The following DESI1 variants were observed in gnomAD, a reference collection of about 807,000 sequenced individuals.
DESI1 encodes PPPDE peptidase domain containing 2.
In DESI1, 17 loss-of-function variants were observed where a neutral mutation model predicts 22.4. The observed-to-expected ratio is 0.76, with a 90% CI of 0.52 to 1.14. The LOEUF is 1.14. Ranked by LOEUF, DESI1 falls within the 50% of genes most tolerant of loss-of-function variation. DESI1 has a pLI of 0.00. For missense variants in DESI1, 177 were observed against 208.9 expected, an observed-to-expected ratio of 0.85 and a Z score of 0.94; for synonymous variants, 92 against 84.2, an observed-to-expected ratio of 1.09 and a Z score of -0.51.
In DESI1 at chr22:41,620,940, G is replaced by A. The variant is rs28384704; in HGVS notation, c.-101C>T. 3,047 of 1,398,576 alleles carry A rather than the reference G, an allele frequency of 2.2e-3. 51 individuals carry two copies. In the African/African-American group the frequency reaches 0.04, roughly 18 times the overall value. 86.6% of individuals were successfully genotyped at this position (1,398,576 alleles called of 1,614,324 possible). On this transcript the variant is annotated 5_prime_UTR_variant, in exon 1 of 6. Coordinates refer to ENST00000263256, the MANE Select transcript of DESI1 (RefSeq NM_015704.3). ...GAGTGCGAAGCGGAGGGAGAGGGGG[G>A]GACCGAGCCCGGGCCCGGGCTGAGG...
At chr22:41,614,328 A>T (rs1601515031) in intron 1 of DESI1, among the ~76,000 whole-genome samples, 1 of 152,038 alleles carries the variant, frequency 6.6e-6, no homozygotes, top group African/African-American at 2.4e-5. Flanking sequence ...TAACCACTGC[A>T]CCCAGCCTGT....
chr22:41,614,580 G>A (rs1314002870), intron 1 of DESI1, among the ~76,000 whole-genome samples: 9 of 62,260 alleles, frequency 1.4e-4, no homozygotes, highest in African/African-American at 6.3e-4. Context: ...TACTGTGCCC[G>A]GCCTACATCC....
At chr22:41,615,504 A>C (rs1410615959) in intron 1 of DESI1, among the ~76,000 whole-genome samples, 1 of 152,218 alleles carries the variant, frequency 6.6e-6, no homozygotes, top group African/African-American at 2.4e-5. Context: ...CCTTAAAGAA[A>C]TTGAATGATT....
intron 1 of DESI1, among the ~76,000 whole-genome samples, chr22:41,612,597 AT>A (rs1207479053): frequency 3.8e-3 from 524 of 139,004 alleles, no homozygotes; most frequent in Admixed American, 6.3e-3. Context: ...TTGAGTGAAG[AT>A]TTTTTTTTTT....
chr22:41,611,989 G>A (rs957671129), intron 1 of DESI1, among the ~76,000 whole-genome samples: 1 of 152,148 alleles, frequency 6.6e-6, no homozygotes, highest in Non-Finnish European at 1.5e-5. Context: ...ACAGGTTCTG[G>A]TGTAGACAGG....
chr22:41,602,355 G>A, intron 5 of DESI1: 3 of 985,454 alleles, frequency 3.0e-6, no homozygotes, highest in Non-Finnish European at 3.6e-6. Flanking sequence ...CCTCAGCAGA[G>A]CTGTGGGACT....
At chr22:41,603,090 G>A (rs767513102) in intron 5 of DESI1, 169 bp downstream of exon 5, 34 of 984,696 alleles carry the variant, frequency 3.5e-5, no homozygotes, top group Non-Finnish European at 5.1e-5. Flanking sequence ...AGGTAATACA[G>A]GTGCGCATCA....
intron 1 of DESI1, among the ~76,000 whole-genome samples, chr22:41,610,548 G>A (rs905161954): frequency 1.3e-5 from 2 of 152,214 alleles, no homozygotes; most frequent in South Asian, 2.1e-4. Context: ...GAAATGTAGC[G>A]GAGTACTTCT....
At chr22:41,613,324 G>A (rs2067529466) in intron 1 of DESI1, among the ~76,000 whole-genome samples, 1 of 152,138 alleles carries the variant, frequency 6.6e-6, no homozygotes, top group Non-Finnish European at 1.5e-5. Flanking sequence ...TAAAAGAGAC[G>A]ATACATGACA....
chr22:41,610,318 G>A (rs993692078), intron 1 of DESI1, among the ~76,000 whole-genome samples: 8 of 151,670 alleles, frequency 5.3e-5, no homozygotes, highest in African/African-American at 1.7e-4. Flanking sequence ...GGTGGAGGTT[G>A]CAGTGAGCCG....
intron 3 of DESI1, among the ~76,000 whole-genome samples, chr22:41,605,304 C>CT (rs1293650726): frequency 6.6e-6 from 1 of 152,118 alleles, no homozygotes; most frequent in Admixed American, 6.5e-5. Context: ...CCCGAAAGGC[C>CT]TACAGAAAAC....
intron 1 of DESI1, among the ~76,000 whole-genome samples, chr22:41,611,975 GA>G (rs1482313878): frequency 2.0e-5 from 3 of 152,268 alleles, no homozygotes; most frequent in African/African-American, 7.2e-5. Context: ...TAGTGAATAA[GA>G]ACACAGGTTC....
intron 1 of DESI1, among the ~76,000 whole-genome samples, chr22:41,618,528 C>T (rs1327057640): frequency 6.6e-6 from 1 of 152,142 alleles, no homozygotes; most frequent in Non-Finnish European, 1.5e-5. Context: ...TTCATTATAT[C>T]AACCTCATTT....
rs72547431 is a variant in DESI1 at position 41,600,957 on chromosome 22, G to A, written c.*140C>T. The A allele has an allele frequency of 1.3e-6, 1 of 754,218 alleles. No individual in the cohort carries two copies. The allele number at this position is 754,218 out of a possible 1,614,324, so 46.7% of individuals were successfully genotyped here. A position where few individuals can be genotyped will look rare whatever the true frequency, so the allele number is the denominator to read the frequency against. On this transcript the variant is annotated 3_prime_UTR_variant, in exon 6 of 6. Transcript: ENST00000263256. ...AGCATTGTCTACATGCGGCCTGACG[G>A]TCTCCTTCCCTGGGAAATTTAAAAA...
At chr22:41,614,043 C>CA (rs2067534085) in intron 1 of DESI1, among the ~76,000 whole-genome samples, 1 of 147,104 alleles carries the variant, frequency 6.8e-6, no homozygotes, top group African/African-American at 2.5e-5. Flanking sequence ...TTCATTCTTT[C>CA]TTTTTTTTTT....
chr22:41,616,579 C>T (rs2067552434), intron 1 of DESI1, among the ~76,000 whole-genome samples: 1 of 151,370 alleles, frequency 6.6e-6, no homozygotes, highest in Non-Finnish European at 1.5e-5. Flanking sequence ...TCTGCATGTA[C>T]TGTGGCACAA....
At chr22:41,603,954 A>G in intron 4 of DESI1, 90 bp downstream of exon 4, 1 of 1,165,678 alleles carries the variant, frequency 8.6e-7, no homozygotes, top group Non-Finnish European at 1.2e-6. Context: ...GCTGAGTGAT[A>G]AGGATGATAT....
At chr22:41,619,169 C>A (rs2067567595) in intron 1 of DESI1, among the ~76,000 whole-genome samples, 1 of 152,128 alleles carries the variant, frequency 6.6e-6, no homozygotes, top group Non-Finnish European at 1.5e-5. Context: ...GTGCCTCAAT[C>A]ATTTTAACAA....
At chr22:41,615,272 TAAA>T (rs58574960) in intron 1 of DESI1, among the ~76,000 whole-genome samples, 119 of 108,484 alleles carry the variant, frequency 1.1e-3, no homozygotes, top group African/African-American at 3.4e-3. Flanking sequence ...TACTAAAAAT[TAAA>T]AAAAAAAAAA....
Sources: gnomAD v4.1 joint callset for allele counts (sites outside exome capture counted in the v4.1 genomes callset) on GRCh38, gnomAD v4.1.1 for gene constraint, MANE v1.5 for transcripts, NCBI Gene and HGNC (gene_info 2026-07-23, HGNC 2026-07-21) for gene names.